The following LAMA2 variants were observed in gnomAD, a reference collection of about 807,000 sequenced individuals.
LAMA2 encodes laminin subunit alpha 2.
LAMA2 carries 269 observed loss-of-function variants against 364.8 expected under a neutral mutation model. The observed-to-expected ratio is 0.74, with a 90% CI of 0.67 to 0.82. The LOEUF (loss-of-function observed/expected upper bound fraction) is 0.82, where lower values mean the gene tolerates loss of function less well. Among genes scored for constraint, LAMA2 ranks in the 40% least tolerant of loss-of-function variants. LAMA2 has a pLI of 0.00. For synonymous variants in LAMA2, 1,379 were observed against 1,370.6 expected (o/e 1.01, Z -0.14); for missense variants, 3,807 against 3,873.2 (o/e 0.98, Z 0.45).
At chr6:129,225,867 G>A (rs1249788942) in intron 12 of LAMA2, among the ~76,000 whole-genome samples, 1 of 152,188 alleles carries the variant, frequency 6.6e-6, no homozygotes, top group Non-Finnish European at 1.5e-5. Flanking sequence ...GTGCAGAGCT[G>A]AGTTCAATTC....
At chr6:129,064,706 C>T (rs968347695) in intron 3 of LAMA2, among the ~76,000 whole-genome samples, 1 of 152,032 alleles carries the variant, frequency 6.6e-6, no homozygotes, top group African/African-American at 2.4e-5. Context: ...CCTACTAACA[C>T]TGAATCATGA....
intron 8 of LAMA2, chr6:129,158,235 A>C: frequency 6.2e-7 from 1 of 1,613,994 alleles, no homozygotes; most frequent in Non-Finnish European, 8.5e-7. Flanking sequence ...TGTACCTTTA[A>C]TATCTGCCGC....
rs1260002857 is a variant in LAMA2 at position 129,353,360 on chromosome 6, A to G, written c.4717+3A>G. 1.9e-6 allele frequency: 3 copies of G among 1,612,464 alleles called. No individual in the cohort carries two copies. The highest frequency in any genetic ancestry group is 8.5e-7 in the Non-Finnish European group (1 of 1,179,102). Reference sequence around the variant, plus strand: ...ACGCGAGGGCTGGGAGTGTGTTTGTACGTATACTAACTTTGCTGTTAGTTT... The same window carrying G: ...ACGCGAGGGCTGGGAGTGTGTTTGTGCGTATACTAACTTTGCTGTTAGTTT... On this transcript the variant is annotated splice_donor_region_variant and intron_variant, in intron 32 of 64. Coordinates refer to ENST00000421865, the MANE Select transcript of LAMA2 (RefSeq NM_000426.4).
intron 12 of LAMA2, among the ~76,000 whole-genome samples, chr6:129,234,541 T>A (rs1784864118): frequency 6.6e-6 from 1 of 152,134 alleles, no homozygotes; most frequent in Non-Finnish European, 1.5e-5. Context: ...GGAATTGGAA[T>A]TTTTTCATAA....
chr6:129,200,261 CACATATACAT>C (rs1562324134), intron 12 of LAMA2, among the ~76,000 whole-genome samples: 21 of 127,830 alleles, frequency 1.6e-4, no homozygotes, highest in Non-Finnish European at 6.4e-5. Flanking sequence ...TATACGTGTA[CACATATACAT>C]GTGTATATAT....
At chr6:129,192,891 T>TGACTGATC (rs1781616161) in intron 12 of LAMA2, 38 bp downstream of exon 12, 20 of 1,586,518 alleles carry the variant, frequency 1.3e-5, no homozygotes, top group Non-Finnish European at 1.6e-5. Flanking sequence ...CTGCTTTAAC[T>TGACTGATC]GACTGATCGT....
chr6:129,396,735 C>T (rs185754423), intron 37 of LAMA2, among the ~76,000 whole-genome samples: 122 of 152,162 alleles, frequency 8.0e-4, no homozygotes, highest in Non-Finnish European at 1.1e-3. Context: ...GAAGGCAGTG[C>T]GGATCAAGTA....
chr6:129,358,409 TA>T (rs1459522151), intron 32 of LAMA2, among the ~76,000 whole-genome samples: 1 of 151,980 alleles, frequency 6.6e-6, no homozygotes, highest in African/African-American at 2.4e-5. Flanking sequence ...ATTTGAAGAG[TA>T]AACTAAACTC....
intron 52 of LAMA2, among the ~76,000 whole-genome samples, chr6:129,474,108 C>T (rs1463774414): frequency 6.6e-6 from 1 of 151,920 alleles, no homozygotes; most frequent in African/African-American, 2.4e-5. Flanking sequence ...TTACAGACTA[C>T]CATGTTTTTA....
intron 1 of LAMA2, among the ~76,000 whole-genome samples, chr6:129,036,750 A>G (rs1358126989): frequency 6.6e-6 from 1 of 152,200 alleles, no homozygotes; most frequent in Admixed American, 6.5e-5. Context: ...ACAAATTGAA[A>G]GTCCTATAAA....
At position 129,456,367 on chromosome 6, in the gene LAMA2, C is replaced by G; in HGVS notation, c.6740C>G (p.Ala2247Gly). ...TGRNGTISVR[A>G]LDGPKASIVP... The stretch of plus-strand genomic sequence containing the variant: ...AGAAATGGAACTATTTCTGTGAGAG[C>G]CCTGGATGGACCCAAAGCCAGCATT... The change falls in exon 48 of 65, where the codon GCC becomes GGC. Residue 2247 changes from alanine (A) to glycine (G), a missense_variant. By Grantham distance (60) the Ala-to-Gly change is moderately conservative. Transcript: ENST00000421865. 1 of 1,613,566 alleles carries G rather than the reference C, an allele frequency of 6.2e-7. No individual in the cohort carries two copies. The highest frequency in any genetic ancestry group is 8.5e-7 in the Non-Finnish European group (1 of 1,179,628).
At chr6:129,507,384 A>G (rs1562634853) in intron 61 of LAMA2, 105 bp from the exon 62 acceptor site, 10 of 1,216,790 alleles carry the variant, frequency 8.2e-6, no homozygotes, top group Non-Finnish European at 6.1e-6. Flanking sequence ...TCCTAAGACA[A>G]CTGGATAACT....
At chr6:129,492,213 A>C in intron 57 of LAMA2, 102 bp from the exon 58 acceptor site, 4 of 1,435,428 alleles carry the variant, frequency 2.8e-6, no homozygotes, top group Non-Finnish European at 3.9e-6. Flanking sequence ...TAGACTGAGA[A>C]AAGCACACTA....
intron 1 of LAMA2, among the ~76,000 whole-genome samples, chr6:128,887,575 A>G (rs540276167): frequency 2.0e-5 from 3 of 152,204 alleles, no homozygotes; most frequent in African/African-American, 7.2e-5. Context: ...ATCTATATCA[A>G]GGGATGCTGG....
In LAMA2 at chr6:129,456,450, G is replaced by A. The variant is rs770487838; in HGVS notation, c.6823G>A (p.Ala2275Thr). 6.2e-7 allele frequency: 1 copy of A among 1,613,558 alleles called. No individual in the cohort carries two copies. Among genetic ancestry groups the A allele is most frequent in the Non-Finnish European group, 8.5e-7 (1 of 1,179,608 alleles). Residue 2275 changes from alanine to threonine, a missense_variant, in exon 48 of 65, where the codon GCA (alanine) becomes ACA (threonine). Physicochemically the swap from Ala to Thr is moderately conservative, Grantham distance 58. This residue lies in a region of LAMA2 where 3,333 missense variants were observed against 3,345.7 expected (regional missense o/e 1.00). Transcript: ENST00000421865. Reference sequence around the variant, plus strand: ...AGGGTACACGATTCTAGATGTGGATGCAAATGCAATGCTGTTTGTTGGTGG... The same window carrying A: ...AGGGTACACGATTCTAGATGTGGATACAAATGCAATGCTGTTTGTTGGTGG... ...PPGYTILDVD[A>T]NAMLFVGGLT...
intron 1 of LAMA2, among the ~76,000 whole-genome samples, chr6:128,947,261 ACTT>A (rs1780539096): frequency 6.6e-6 from 1 of 152,160 alleles, no homozygotes; most frequent in South Asian, 2.1e-4. Flanking sequence ...TTGCACGTTG[ACTT>A]CTTTATGCTT....
intron 54 of LAMA2, among the ~76,000 whole-genome samples, chr6:129,479,235 G>T (rs9483033): frequency 8.5e-5 from 13 of 152,084 alleles, no homozygotes; most frequent in Admixed American, 7.9e-4. Context: ...AATTTACACC[G>T]TAGCCATTAG....
chr6:129,515,607 A>AAGTC, intron 64 of LAMA2, among the ~76,000 whole-genome samples: 1 of 139,598 alleles, frequency 7.2e-6, no homozygotes, highest in Non-Finnish European at 1.6e-5. Flanking sequence ...GAAAGTGATA[A>AAGTC]AGTCACCTTC....
At chr6:129,406,272 A>G (rs764778682) in intron 40 of LAMA2, among the ~76,000 whole-genome samples, 1 of 152,234 alleles carries the variant, frequency 6.6e-6, no homozygotes, top group Non-Finnish European at 1.5e-5. Flanking sequence ...TGGATCCTTT[A>G]TAAGCAGGAG....
Sources: gnomAD v4.1 joint callset for allele counts (sites outside exome capture counted in the v4.1 genomes callset) on GRCh38, gnomAD v4.1.1 for gene constraint, gnomAD v4.1.1 regional missense constraint, MANE v1.5 for transcripts, NCBI Gene and HGNC (gene_info 2026-07-23, HGNC 2026-07-21) for gene names.